CDH18: variants seen among roughly 807,000 people sequenced by gnomAD.
CDH18 encodes cadherin 18, also known as cadherin-18.
A neutral mutation model predicts 67.9 loss-of-function variants in CDH18; 31 were observed. The observed-to-expected ratio is 0.46, with a 90% CI of 0.34 to 0.62. The LOEUF (loss-of-function observed/expected upper bound fraction) is 0.62, where lower values mean the gene tolerates loss of function less well. Ranked by LOEUF, CDH18 falls within the 20% of genes least tolerant of loss-of-function variation. The probability of loss-of-function intolerance (pLI) is 0.01; values close to 1 mark genes in which losing one functional copy is unlikely to be tolerated. For missense variants in CDH18, 890 were observed against 975.5 expected (o/e 0.91, Z 1.17); for synonymous variants, 362 against 347.2 (o/e 1.04, Z -0.48).
chr5:20,450,134 TG>T (rs1031063699), intron 1 of CDH18, among the ~76,000 whole-genome samples: 2 of 152,086 alleles, frequency 1.3e-5, no homozygotes, highest in African/African-American at 4.8e-5. Context: ...GGTCAGGAGT[TG>T]GAGACCAGCC....
At chr5:19,540,096 T>TG (rs1046247038) in intron 9 of CDH18, among the ~76,000 whole-genome samples, 6 of 144,818 alleles carry the variant, frequency 4.1e-5, no homozygotes, top group East Asian at 1.9e-4. Context: ...CTAGACACAA[T>TG]GGGGGTCTAG....
intron 1 of CDH18, among the ~76,000 whole-genome samples, chr5:20,406,993 T>C (rs1488504660): frequency 6.6e-6 from 1 of 152,166 alleles, no homozygotes; most frequent in Non-Finnish European, 1.5e-5. Flanking sequence ...GGAAAAGAGC[T>C]AGACCATGGG....
chr5:20,081,120 T>A (rs1744432977), intron 2 of CDH18, among the ~76,000 whole-genome samples: 2 of 151,528 alleles, frequency 1.3e-5, no homozygotes, highest in South Asian at 4.2e-4. Flanking sequence ...GTTTTCTATT[T>A]GACTGATTAG....
intron 1 of CDH18, among the ~76,000 whole-genome samples, chr5:20,266,848 T>C (rs1164440308): frequency 6.6e-6 from 1 of 152,060 alleles, no homozygotes; most frequent in Non-Finnish European, 1.5e-5. Context: ...GAGTGTCTTA[T>C]ACAATTTAGT....
intron 5 of CDH18, among the ~76,000 whole-genome samples, chr5:19,654,631 T>C (rs927388904): frequency 1.3e-5 from 2 of 152,184 alleles, no homozygotes; most frequent in Non-Finnish European, 1.5e-5. Flanking sequence ...ACTGTGCTCT[T>C]TTAGCTTTGC....
At chr5:19,775,092 G>A (rs1484863982) in intron 3 of CDH18, among the ~76,000 whole-genome samples, 1 of 152,078 alleles carries the variant, frequency 6.6e-6, no homozygotes, top group Admixed American at 6.6e-5. Context: ...GGAAGTCCCA[G>A]CAGGGGCAGC....
At chr5:19,839,681 A>AACC (rs1782058038) in intron 2 of CDH18, among the ~76,000 whole-genome samples, 1 of 152,192 alleles carries the variant, frequency 6.6e-6, no homozygotes, top group African/African-American at 2.4e-5. Context: ...AAAAGAATGC[A>AACC]ACTTAAAATT....
chr5:20,082,286 C>T (rs890015635), intron 2 of CDH18, among the ~76,000 whole-genome samples: 1 of 152,026 alleles, frequency 6.6e-6, no homozygotes, highest in African/African-American at 2.4e-5. Context: ...TGCTTCACAG[C>T]AAGAGTTTAA....
chr5:20,314,151 T>A (rs1259960887), intron 1 of CDH18, among the ~76,000 whole-genome samples: 1 of 152,152 alleles, frequency 6.6e-6, no homozygotes, highest in East Asian at 1.9e-4. Flanking sequence ...CTTTATTAAT[T>A]ATTGCCTAAA....
chr5:20,011,919 C>A (rs1317271186), intron 2 of CDH18, among the ~76,000 whole-genome samples: 2 of 151,994 alleles, frequency 1.3e-5, no homozygotes, highest in Non-Finnish European at 2.9e-5. Context: ...TGTATTTCTG[C>A]CAGGTTTTGG....
intron 1 of CDH18, among the ~76,000 whole-genome samples, chr5:20,455,691 T>C (rs558745356): frequency 6.6e-6 from 1 of 152,106 alleles, no homozygotes; most frequent in Non-Finnish European, 1.5e-5. Flanking sequence ...ATAGATTTTA[T>C]ACAAATATAA....
chr5:20,369,531 C>A (rs188763788), intron 1 of CDH18, among the ~76,000 whole-genome samples: 1 of 152,106 alleles, frequency 6.6e-6, no homozygotes, highest in Admixed American at 6.6e-5. Context: ...TGAAATGTTA[C>A]GAAGTCATTT....
chr5:19,930,862 A>C (rs1793615986), intron 2 of CDH18, among the ~76,000 whole-genome samples: 1 of 152,060 alleles, frequency 6.6e-6, no homozygotes, highest in Non-Finnish European at 1.5e-5. Flanking sequence ...AAATAAACCA[A>C]AGTCTTAAGA....
chr5:19,960,296 T>C (rs1033173567), intron 2 of CDH18, among the ~76,000 whole-genome samples: 1 of 152,018 alleles, frequency 6.6e-6, no homozygotes, highest in Non-Finnish European at 1.5e-5. Context: ...ATCTCTTTAT[T>C]CTACAAGCAC....
At chr5:19,824,190 T>C (rs1226195349) in intron 3 of CDH18, among the ~76,000 whole-genome samples, 2 of 152,178 alleles carry the variant, frequency 1.3e-5, no homozygotes, top group African/African-American at 4.8e-5. Context: ...GGATAGAAGA[T>C]GGCAGATTAG....
chr5:20,193,695 T>C (rs1372714849), intron 2 of CDH18, among the ~76,000 whole-genome samples: 1 of 151,966 alleles, frequency 6.6e-6, no homozygotes, highest in African/African-American at 2.4e-5. Flanking sequence ...GATGCCAAAA[T>C]CCCCAATAAA....
chr5:20,059,261 T>C (rs1337124516), intron 2 of CDH18, among the ~76,000 whole-genome samples: 3 of 152,176 alleles, frequency 2.0e-5, no homozygotes. Context: ...TCTATTTTGT[T>C]AATCTTTTTA....
intron 1 of CDH18, among the ~76,000 whole-genome samples, chr5:20,483,665 AC>A (rs1011017893): frequency 6.6e-6 from 1 of 151,408 alleles, no homozygotes; most frequent in African/African-American, 2.4e-5. Flanking sequence ...AAAAAAAAAA[AC>A]ATACATTGGG....
intron 2 of CDH18, among the ~76,000 whole-genome samples, chr5:19,942,622 C>T (rs1188774828): frequency 6.6e-6 from 1 of 152,108 alleles, no homozygotes; most frequent in African/African-American, 2.4e-5. Flanking sequence ...AGGTTGAGTC[C>T]TTCCAAATGA....
Sources: gnomAD v4.1 joint callset for allele counts (sites outside exome capture counted in the v4.1 genomes callset) on GRCh38, gnomAD v4.1.1 for gene constraint, MANE v1.5 for transcripts, NCBI Gene and HGNC (gene_info 2026-07-23, HGNC 2026-07-21) for gene names.